The following PLCL1 variants were observed in gnomAD, a reference collection of about 807,000 sequenced individuals.
The protein encoded by PLCL1 is phospholipase C like 1 (inactive).
In PLCL1, 41 loss-of-function variants were observed where a neutral mutation model predicts 84.4. That is an observed-to-expected ratio of 0.49 (90% CI 0.38 to 0.63). The LOEUF (loss-of-function observed/expected upper bound fraction) is 0.63, where lower values mean the gene tolerates loss of function less well. Among genes scored for constraint, PLCL1 ranks in the 30% least tolerant of loss-of-function variants. The pLI is 0.00. For synonymous variants in PLCL1, 490 were observed against 488.3 expected, an observed-to-expected ratio of 1.00 and a Z score of -0.05; for missense variants, 1,206 against 1,367.8, an observed-to-expected ratio of 0.88 and a Z score of 1.87.
chr2:197,933,362 C>G (rs975079250), intron 1 of PLCL1, among the ~76,000 whole-genome samples: 4 of 150,064 alleles, frequency 2.7e-5, no homozygotes, highest in African/African-American at 9.8e-5. Flanking sequence ...CTCCCGGGTT[C>G]ACGCCATTTT....
rs528137277 is a variant in PLCL1 at position 197,837,952 on chromosome 2, T to C, written c.240+32613T>C. Among the ~76,000 whole-genome samples, 3 of 151,260 alleles carry C rather than the reference T, an allele frequency of 2.0e-5. No individual in the cohort carries two copies. The East Asian group carries it at 5.8e-4, about 29-fold the overall frequency. On this transcript the variant is annotated intron_variant, in intron 1 of 5. Transcript: ENST00000428675. ...TTTCAAAGATTGCTATAAACTGTGA[T>C]TTTTTTTTCAAAGAACAAATAGTCA... is the stretch of plus-strand genomic sequence containing the variant.
chr2:198,145,407 T>G (rs1344457713), intron 5 of PLCL1, among the ~76,000 whole-genome samples: 1 of 152,206 alleles, frequency 6.6e-6, no homozygotes, highest in African/African-American at 2.4e-5. Context: ...AGAGCATTGA[T>G]GCAGGAGGCC....
chr2:197,825,814 TGGTAAAATG>T (rs1690916750), intron 1 of PLCL1, among the ~76,000 whole-genome samples: 1 of 152,232 alleles, frequency 6.6e-6, no homozygotes. Flanking sequence ...GTTTCTTCAT[TGGTAAAATG>T]GGAATTTTAA....
intron 5 of PLCL1, among the ~76,000 whole-genome samples, chr2:198,140,731 A>G (rs370730492): frequency 6.6e-6 from 1 of 152,084 alleles, no homozygotes; most frequent in African/African-American, 2.4e-5. Flanking sequence ...TTTTCTGTGG[A>G]CCCTTTGGCA....
chr2:197,829,216 G>GGTAA (rs1173603213), intron 1 of PLCL1, among the ~76,000 whole-genome samples: 2 of 152,068 alleles, frequency 1.3e-5, no homozygotes, highest in Non-Finnish European at 1.5e-5. Context: ...GTAGACTATA[G>GGTAA]GTAATAGTAA....
chr2:197,987,189 G>C (rs891615997), intron 1 of PLCL1, among the ~76,000 whole-genome samples: 1 of 152,208 alleles, frequency 6.6e-6, no homozygotes, highest in African/African-American at 2.4e-5. Flanking sequence ...GATCAGAGCT[G>C]GCAAACTGTT....
intron 1 of PLCL1, among the ~76,000 whole-genome samples, chr2:197,913,382 A>T (rs1688528718): frequency 6.6e-6 from 1 of 152,252 alleles, no homozygotes; most frequent in Non-Finnish European, 1.5e-5. Context: ...TTAGCATAAA[A>T]TGCAAGTAAA....
chr2:198,051,796 G>A (rs185372732), intron 1 of PLCL1, among the ~76,000 whole-genome samples: 1 of 152,168 alleles, frequency 6.6e-6, no homozygotes, highest in East Asian at 1.9e-4. Context: ...GTGCAGTGGC[G>A]CGATCTCGGC....
chr2:197,847,706 C>T (rs1049722188), intron 1 of PLCL1, among the ~76,000 whole-genome samples: 3 of 152,142 alleles, frequency 2.0e-5, no homozygotes, highest in African/African-American at 7.2e-5. Context: ...TCTAATTATG[C>T]ATTTATGTTA....
intron 1 of PLCL1, among the ~76,000 whole-genome samples, chr2:198,048,630 T>G (rs2105866192): frequency 6.6e-6 from 1 of 151,094 alleles, no homozygotes; most frequent in South Asian, 2.1e-4. Flanking sequence ...AGTGGGGAGG[T>G]CCCAGACTCT....
chr2:197,998,175 ATGTGTGTGTGTG>A (rs58332002), intron 1 of PLCL1, among the ~76,000 whole-genome samples: 2,170 of 131,948 alleles, frequency 0.016, 63 homozygotes, highest in African/African-American at 0.058. Flanking sequence ...GAATGGAGCT[ATGTGTGTGTGTG>A]TGTGTGTGTG....
chr2:197,987,976 A>C (rs1690253036), intron 1 of PLCL1, among the ~76,000 whole-genome samples: 1 of 152,164 alleles, frequency 6.6e-6, no homozygotes, highest in South Asian at 2.1e-4. Context: ...TCAGTTTTAG[A>C]AGCAGAAGGT....
At position 198,085,622 on chromosome 2, in the gene PLCL1, A is replaced by G. The variant is rs1404103805; in HGVS notation, c.2105A>G (p.Asp702Gly). ...GTTCTAAGGCCGTCTATAATGCGAG[A>G]TGAAGTTTCTTACTTCAGCGCAAAT... ...GYVLRPSIMR[D>G]EVSYFSANTK... The change falls in exon 2 of 6, where the codon GAT (aspartate) becomes GGT (glycine). Residue 702 changes from aspartate (D) to glycine (G), a missense_variant. Asp to Gly is a moderately conservative substitution (Grantham distance 94). Transcript: ENST00000428675. This position sits in a 1 kb window ranked among gnomAD's most constrained non-coding sequence, Gnocchi z 5.3. 20 of 1,614,046 alleles carry G rather than the reference A, an allele frequency of 1.2e-5. No homozygotes were observed. Among genetic ancestry groups the G allele is most frequent in the Admixed American group, 8.3e-5 (5 of 60,014 alleles).
intron 5 of PLCL1, among the ~76,000 whole-genome samples, chr2:198,127,069 C>T (rs1216350769): frequency 6.6e-6 from 1 of 151,768 alleles, no homozygotes; most frequent in East Asian, 1.9e-4. Context: ...TGACCTTTGC[C>T]CTTCTCTCTC....
chr2:197,986,119 G>T (rs1015907443), intron 1 of PLCL1, among the ~76,000 whole-genome samples: 1 of 152,186 alleles, frequency 6.6e-6, no homozygotes, highest in African/African-American at 2.4e-5. Context: ...ATTGTTCCAA[G>T]CATTCATTAC....
intron 1 of PLCL1, among the ~76,000 whole-genome samples, chr2:197,957,317 G>A (rs1574968270): frequency 1.3e-5 from 2 of 152,016 alleles, no homozygotes; most frequent in Admixed American, 1.3e-4. Context: ...TGAGGCAGAG[G>A]CCATGTCTTT....
chr2:197,950,876 C>T (rs542032316), intron 1 of PLCL1, among the ~76,000 whole-genome samples: 3 of 152,006 alleles, frequency 2.0e-5, no homozygotes, highest in Non-Finnish European at 4.4e-5. Context: ...AATTGCATTG[C>T]AAAAACTGCT....
intron 1 of PLCL1, among the ~76,000 whole-genome samples, chr2:198,061,005 C>A (rs192567133): frequency 3.0e-4 from 46 of 152,248 alleles, no homozygotes; most frequent in African/African-American, 1.1e-3. Context: ...TTTAACTTTT[C>A]TCATAAGCTA....
intron 1 of PLCL1, among the ~76,000 whole-genome samples, chr2:197,847,317 T>A (rs530910422): frequency 6.6e-6 from 1 of 152,142 alleles, no homozygotes; most frequent in Non-Finnish European, 1.5e-5. Context: ...TGAAAGAACA[T>A]ATAATAAATG....
Sources: allele counts gnomAD v4.1 joint callset (sites outside exome capture counted in the v4.1 genomes callset), GRCh38; gene constraint gnomAD v4.1.1; non-coding constraint Gnocchi (gnomAD v3.1); transcripts MANE v1.5; gene names NCBI Gene and HGNC (gene_info 2026-07-23, HGNC 2026-07-21).